Variants in TAFA2 observed in about 807,000 individuals in gnomAD.
TAFA2 encodes chemokine-like protein TAFA-2.
In TAFA2, 7 loss-of-function variants were observed where a neutral mutation model predicts 18.8. The observed-to-expected ratio is 0.37, with a 90% confidence interval of 0.21 to 0.70. The LOEUF (loss-of-function observed/expected upper bound fraction) is 0.70, where lower values mean the gene tolerates loss of function less well. TAFA2 is among the 30% of genes least tolerant of loss of function. TAFA2 has a pLI of 0.53. For missense variants in TAFA2, 122 were observed against 158.1 expected, an observed-to-expected ratio of 0.77 and a Z score of 1.23; for synonymous variants, 60 against 54.2, an observed-to-expected ratio of 1.11 and a Z score of -0.47.
chr12:61,796,487 A>G (rs1042685391), intron 2 of TAFA2, among the ~76,000 whole-genome samples: 1 of 152,136 alleles, frequency 6.6e-6, no homozygotes, highest in African/African-American at 2.4e-5. Flanking sequence ...ATCTACAATA[A>G]CTGATCAATG....
intron 1 of TAFA2, among the ~76,000 whole-genome samples, chr12:61,953,852 C>T (rs1192121954): frequency 2.6e-5 from 4 of 152,126 alleles, no homozygotes; most frequent in Non-Finnish European, 5.9e-5. Context: ...GGACATTTCG[C>T]TAATAGTGCG....
At chr12:62,132,588 G>A (rs537023474) in intron 1 of TAFA2, among the ~76,000 whole-genome samples, 27 of 151,780 alleles carry the variant, frequency 1.8e-4, no homozygotes, top group African/African-American at 4.6e-4. Flanking sequence ...ATAAAACAAC[G>A]TAGAAATAAA....
intron 1 of TAFA2, among the ~76,000 whole-genome samples, chr12:62,133,864 A>G (rs995100177): frequency 6.6e-6 from 1 of 152,086 alleles, no homozygotes; most frequent in Non-Finnish European, 1.5e-5. Flanking sequence ...TGGCTTTGCC[A>G]TTTACTACCT....
At chr12:62,032,150 G>A (rs746767249) in intron 1 of TAFA2, among the ~76,000 whole-genome samples, 1 of 152,058 alleles carries the variant, frequency 6.6e-6, no homozygotes, top group Admixed American at 6.6e-5. Context: ...AAGAGATCAC[G>A]GTGAATGATG....
intron 1 of TAFA2, among the ~76,000 whole-genome samples, chr12:61,920,400 G>A (rs1181117067): frequency 1.3e-5 from 2 of 152,084 alleles, no homozygotes; most frequent in Non-Finnish European, 2.9e-5. Flanking sequence ...AAGTTTTAAG[G>A]CCATGAAAAA....
intron 1 of TAFA2, among the ~76,000 whole-genome samples, chr12:61,901,668 T>G (rs1479427208): frequency 6.6e-6 from 1 of 152,134 alleles, no homozygotes; most frequent in Non-Finnish European, 1.5e-5. Flanking sequence ...TTTTTTCAGG[T>G]AAGATCAGAA....
At chr12:61,902,504 G>A (rs898081686) in intron 1 of TAFA2, among the ~76,000 whole-genome samples, 1 of 152,092 alleles carries the variant, frequency 6.6e-6, no homozygotes, top group Admixed American at 6.6e-5. Context: ...CTGGGAGTGA[G>A]GCTTTGAACA....
intron 2 of TAFA2, among the ~76,000 whole-genome samples, chr12:61,839,077 A>T (rs1024167037): frequency 6.6e-6 from 1 of 152,070 alleles, no homozygotes; most frequent in African/African-American, 2.4e-5. Flanking sequence ...GCTTTCTCAG[A>T]TATTAAAACT....
intron 1 of TAFA2, among the ~76,000 whole-genome samples, chr12:62,056,411 A>ACCAGTGT (rs1882189312): frequency 1.3e-5 from 2 of 152,264 alleles, no homozygotes; most frequent in Non-Finnish European, 2.9e-5. Flanking sequence ...GTTTACAACC[A>ACCAGTGT]CCAGTGTGGC....
At chr12:62,116,741 G>A (rs1048508973) in intron 1 of TAFA2, among the ~76,000 whole-genome samples, 6 of 152,140 alleles carry the variant, frequency 3.9e-5, no homozygotes, top group Admixed American at 6.6e-5. Context: ...GAGTTAAGTC[G>A]TGGGAATCAC....
intron 1 of TAFA2, among the ~76,000 whole-genome samples, chr12:62,226,383 G>A (rs11174381): frequency 1.3e-5 from 2 of 152,034 alleles, no homozygotes; most frequent in Non-Finnish European, 2.9e-5. Flanking sequence ...ATTTTTAGTA[G>A]AGACGGAGTT....
chr12:61,931,839 T>C (rs185654954), intron 1 of TAFA2, among the ~76,000 whole-genome samples: 1 of 152,360 alleles, frequency 6.6e-6, no homozygotes, highest in Admixed American at 6.5e-5. Context: ...CCAATTTTTG[T>C]ATCAGCTATG....
chr12:62,205,284 G>A (rs78847922), intron 1 of TAFA2, among the ~76,000 whole-genome samples: 1 of 152,254 alleles, frequency 6.6e-6, no homozygotes, highest in African/African-American at 2.4e-5. Context: ...GACCACTCTT[G>A]GGGGGGTCTC....
chr12:62,078,938 AC>A (rs1592322235), intron 1 of TAFA2, among the ~76,000 whole-genome samples: 1 of 152,128 alleles, frequency 6.6e-6, no homozygotes, highest in Non-Finnish European at 1.5e-5. Context: ...AAAATGCTCC[AC>A]CCTGGTTCAC....
intron 1 of TAFA2, among the ~76,000 whole-genome samples, chr12:62,198,909 A>G (rs1255437535): frequency 1.3e-5 from 2 of 152,248 alleles, no homozygotes; most frequent in Non-Finnish European, 2.9e-5. Context: ...CAAGAAGACC[A>G]TTTCACAAAG....
In TAFA2 at chr12:62,116,009, T is replaced by C. The variant is rs543845991; in HGVS notation, c.-2+75250A>G. Among the ~76,000 whole-genome samples, 4 of 152,280 alleles carry C rather than the reference T, an allele frequency of 2.6e-5. No homozygotes were observed. The South Asian group carries it at 8.3e-4, about 32-fold the overall frequency. On this transcript the variant is annotated intron_variant, in intron 1 of 4. Transcript: ENST00000416284. ...GAGAAAAAGGAATCATTAACTAATC[T>C]AGGAAAGTAACATTTTAAATAAAAT...
chr12:61,802,580 A>G (rs1871443231), intron 2 of TAFA2, among the ~76,000 whole-genome samples: 1 of 151,986 alleles, frequency 6.6e-6, no homozygotes, highest in Non-Finnish European at 1.5e-5. Flanking sequence ...GGAGAGTAGA[A>G]CTGTGGTTAT....
chr12:61,947,743 G>T (rs1428833462), intron 1 of TAFA2, among the ~76,000 whole-genome samples: 1 of 152,124 alleles, frequency 6.6e-6, no homozygotes, highest in Non-Finnish European at 1.5e-5. Flanking sequence ...ATATGTAAGT[G>T]ATAGCTGTAA....
chr12:61,907,764 C>T (rs1384889197), intron 1 of TAFA2, among the ~76,000 whole-genome samples: 5 of 152,128 alleles, frequency 3.3e-5, no homozygotes, highest in Non-Finnish European at 7.4e-5. Flanking sequence ...GGGATGTACC[C>T]TGCAAAGCCA....
Sources: allele counts gnomAD v4.1 joint callset (sites outside exome capture counted in the v4.1 genomes callset), GRCh38; gene constraint gnomAD v4.1.1; transcripts MANE v1.5; gene names NCBI Gene and HGNC (gene_info 2026-07-23, HGNC 2026-07-21).